The following GNB5 variants were observed in gnomAD, a reference collection of about 807,000 sequenced individuals.
The protein encoded by GNB5 is guanine nucleotide-binding protein subunit beta-5.
In GNB5, 37 loss-of-function variants were observed where a neutral mutation model predicts 55.3. The observed-to-expected ratio is 0.67, with a 90% CI of 0.51 to 0.88. GNB5 has a LOEUF of 0.88. GNB5 is among the 40% of genes least tolerant of loss of function. The pLI is 0.00. For missense variants in GNB5, 476 were observed against 515.3 expected (o/e 0.92, Z 0.74); for synonymous variants, 219 against 198.5 (o/e 1.10, Z -0.87).
At chr15:52,143,457 C>T (rs74774472) in intron 6 of GNB5, among the ~76,000 whole-genome samples, 307 of 152,308 alleles carry the variant, frequency 2.0e-3, no homozygotes, top group African/African-American at 7.3e-3. Context: ...ACACCTGGCC[C>T]AGTGCCTTGC....
intron 3 of GNB5, among the ~76,000 whole-genome samples, chr15:52,157,291 G>A (rs1241907177): frequency 6.9e-6 from 1 of 144,858 alleles, no homozygotes; most frequent in African/African-American, 2.6e-5. Context: ...CTGTCACCCA[G>A]GCTGGAGTGC....
chr15:52,139,315 G>A (rs2033798374), intron 7 of GNB5, among the ~76,000 whole-genome samples: 1 of 151,952 alleles, frequency 6.6e-6, no homozygotes, highest in Non-Finnish European at 1.5e-5. Context: ...GGTGGCGTGT[G>A]CTTGCAGACC....
rs761399728 is a variant in GNB5, at chr15:52,153,947, G to A, written c.368C>T (p.Ser123Leu). The A allele has an allele frequency of 1.9e-5, 31 of 1,611,272 alleles. No homozygotes were observed. In the Admixed American group the frequency reaches 2.2e-4, roughly 11 times the overall value. ...GCAGCAGGTGTGACATACCTGTGAC[G>A]AGCTCACGATCCTCCTCTTATCTTT... is the stretch of plus-strand genomic sequence containing the variant. Reference protein sequence around the residue: ...WCKDKRRIVSSSQDGKVIVWD... With the variant: ...WCKDKRRIVSLSQDGKVIVWD... The change falls in exon 4 of 13, where the codon TCG (serine) becomes TTG (leucine). Residue 123 changes from serine (S) to leucine (L), a missense_variant. By Grantham distance (145) the Ser-to-Leu change is moderately radical (BLOSUM62 -2). Coordinates refer to ENST00000261837, the MANE Select transcript of GNB5 (RefSeq NM_016194.4).
Position 52,135,615 on chromosome 15 carries a change from C to A in GNB5, c.769G>T (p.Gly257Trp), listed in dbSNP as rs866697652. 2 of 1,613,632 alleles carry A rather than the reference C, an allele frequency of 1.2e-6. No individual in the cohort carries two copies. The highest frequency in any genetic ancestry group is 1.7e-6 in the Non-Finnish European group (2 of 1,179,752). Residue 257 changes from glycine (G) to tryptophan (W), a missense_variant and splice_region_variant, in exon 8 of 13, where the codon GGG (glycine) becomes TGG (tryptophan). Gly to Trp is a radical substitution (Grantham distance 184). Transcript: ENST00000261837. Reference sequence around the variant, plus strand: ...GGGAATTTCCACTGGGTCTTTACCCCAGACACGAAGGTGTTTCCAGTTTCT... The same window carrying A: ...GGGAATTTCCACTGGGTCTTTACCCAAGACACGAAGGTGTTTCCAGTTTCT... ...PSETGNTFVSGGCDKKAMVWD... is the reference protein window; with the variant it reads ...PSETGNTFVSWGCDKKAMVWD...
intron 7 of GNB5, among the ~76,000 whole-genome samples, chr15:52,136,101 G>GCACACACA (rs2033705712): frequency 8.1e-5 from 2 of 24,588 alleles, no homozygotes; most frequent in African/African-American, 2.1e-4. Flanking sequence ...ACACACACAG[G>GCACACACA]GAAAAGCAGA....
At chr15:52,132,636 A>ATTTTTTTTTT (rs1216272462) in intron 9 of GNB5, among the ~76,000 whole-genome samples, 4,735 of 133,992 alleles carry the variant, frequency 0.035, 169 homozygotes, top group East Asian at 0.1. Context: ...TGCCCTGCTA[A>ATTTTTTTTTT]TTTTTTTTTT....
chr15:52,152,787 T>C (rs2034127024), intron 4 of GNB5, among the ~76,000 whole-genome samples: 2 of 152,112 alleles, frequency 1.3e-5, no homozygotes, highest in Admixed American at 6.5e-5. Context: ...CGCACCACCA[T>C]GCCCAGCTGA....
intron 7 of GNB5, chr15:52,137,804 T>C: frequency 7.9e-7 from 1 of 1,266,060 alleles, no homozygotes. Flanking sequence ...CTGACAGCAA[T>C]GGAGGGGACC....
rs553086019 is a variant in GNB5, at chr15:52,126,097, G to A, written c.913-53C>T. On this transcript the variant is annotated intron_variant, in intron 10 of 12. Coordinates refer to ENST00000261837, the MANE Select transcript of GNB5 (RefSeq NM_016194.4). ...TTACTTCTGGCTTCAGTTTGGTGAC[G>A]TGATGACCACAGAGCTACAGGTAGG... The A allele has an allele frequency of 3.2e-5, 27 of 853,962 alleles. 2 individuals carry two copies. The highest frequency in any genetic ancestry group is 4.3e-5 in the Non-Finnish European group (22 of 506,838). The allele number at this position is 853,962 out of a possible 1,614,324, so 52.9% of individuals were successfully genotyped here.
At position 52,145,703 on chromosome 15, in the gene GNB5, T is replaced by A. The variant is rs559851959; in HGVS notation, c.494+1756A>T. 7.2e-5 allele frequency among the ~76,000 whole-genome samples: 11 copies of A among 152,050 alleles called. No homozygotes were observed. In the South Asian group the frequency reaches 8.3e-4, roughly 11 times the overall value. Reference sequence around the variant, plus strand: ...ACATGGGCTCCAAAGGGACAAGTGGTCTTGGCCACTGGAAGGAGAGTGAGA... The same window carrying A: ...ACATGGGCTCCAAAGGGACAAGTGGACTTGGCCACTGGAAGGAGAGTGAGA... On this transcript the variant is annotated intron_variant, in intron 6 of 12. Coordinates refer to ENST00000261837, the MANE Select transcript of GNB5 (RefSeq NM_016194.4).
intron 3 of GNB5, among the ~76,000 whole-genome samples, chr15:52,172,383 T>A (rs2034570640): frequency 6.6e-6 from 1 of 152,054 alleles, no homozygotes; most frequent in African/African-American, 2.4e-5. Flanking sequence ...TGGGCTCAAG[T>A]GATCTTTCCG....
chr15:52,181,903 C>T (rs1305007413), intron 2 of GNB5, among the ~76,000 whole-genome samples: 1 of 151,428 alleles, frequency 6.6e-6, no homozygotes, highest in Non-Finnish European at 1.5e-5. Context: ...AAACATATAA[C>T]AAACATGTTT....
chr15:52,181,434 G>C (rs1037930116), intron 2 of GNB5, among the ~76,000 whole-genome samples: 11 of 152,150 alleles, frequency 7.2e-5, no homozygotes, highest in Non-Finnish European at 1.6e-4. Flanking sequence ...TGGCCAACAT[G>C]ATGAAACCCT....
rs141202111 is a variant in GNB5, at chr15:52,142,913, G to C, written c.495-1641C>G. Among the ~76,000 whole-genome samples, 1,219 of 152,220 alleles carry C rather than the reference G, an allele frequency of 8.0e-3. 16 individuals carry two copies. The highest frequency in any genetic ancestry group is 0.028 in the African/African-American group (1,168 of 41,522). Reference sequence around the variant, plus strand: ...CTCACATCTGTAATCCTAGCACTTTGGGAGGCCCAGGCAGGCCAATCACCT... The same window carrying C: ...CTCACATCTGTAATCCTAGCACTTTCGGAGGCCCAGGCAGGCCAATCACCT... On this transcript the variant is annotated intron_variant, in intron 6 of 12. Coordinates refer to ENST00000261837, the MANE Select transcript of GNB5 (RefSeq NM_016194.4).
intron 6 of GNB5, among the ~76,000 whole-genome samples, chr15:52,143,070 G>A (rs892702310): frequency 2.6e-5 from 4 of 151,878 alleles, no homozygotes; most frequent in African/African-American, 7.3e-5. Context: ...CAGGAGAATT[G>A]CTTGAACCTG....
At chr15:52,176,126 C>T (rs961631342) in intron 3 of GNB5, among the ~76,000 whole-genome samples, 1 of 152,170 alleles carries the variant, frequency 6.6e-6, no homozygotes, top group African/African-American at 2.4e-5. Flanking sequence ...ATAAGAGATA[C>T]AGGAAAGTGC....
Position 52,125,955 on chromosome 15 carries a change from G to A in GNB5, c.1002C>T (p.Ser334=). ...TCTGAAATAAAATCTTACCACTGAG[G>A]GAGAAGTCCACGCTGGATGCTCCAA... ...IIFGASSVDF[S]LSGRLLFAGY... The change falls in exon 11 of 13, where the codon TCC becomes TCT. Residue 334 remains serine, a synonymous_variant. Transcript: ENST00000261837. The A allele has an allele frequency of 7.0e-7, 1 of 1,422,374 alleles. No homozygotes were observed. Among genetic ancestry groups the A allele is most frequent in the Non-Finnish European group, 9.9e-7 (1 of 1,012,928 alleles). The allele number at this position is 1,422,374 out of a possible 1,614,324, so 88.1% of individuals were successfully genotyped here.
At chr15:52,156,851 C>T (rs745543565) in intron 3 of GNB5, among the ~76,000 whole-genome samples, 1 of 152,146 alleles carries the variant, frequency 6.6e-6, no homozygotes. Flanking sequence ...TATTTACTGC[C>T]ACAAACAGCA....
intron 10 of GNB5, among the ~76,000 whole-genome samples, chr15:52,126,873 C>T (rs926232790): frequency 5.3e-5 from 8 of 152,154 alleles, no homozygotes; most frequent in Non-Finnish European, 1.0e-4. Context: ...TGGCTCACTG[C>T]AACCTCTGCC....
Sources: gnomAD v4.1 joint callset for allele counts (sites outside exome capture counted in the v4.1 genomes callset) on GRCh38, gnomAD v4.1.1 for gene constraint, MANE v1.5 for transcripts, NCBI Gene and HGNC (gene_info 2026-07-23, HGNC 2026-07-21) for gene names.